Variants in NRXN3 observed in about 807,000 individuals in gnomAD.
The protein encoded by NRXN3 is neurexin 3.
Under a neutral mutation model 137.6 loss-of-function variants are expected in NRXN3, and 32 were observed. The observed-to-expected ratio is 0.23, with a 90% CI of 0.18 to 0.31. NRXN3 has a LOEUF of 0.31. Ranked by LOEUF, NRXN3 falls within the 10% of genes least tolerant of loss-of-function variation. NRXN3 has a pLI of 1.00. For missense variants in NRXN3, 1,574 were observed against 2,062.5 expected (o/e 0.76, Z 4.59); for synonymous variants, 798 against 784.5 (o/e 1.02, Z -0.29).
chr14:78,710,115 T>C (rs187554953), intron 7 of NRXN3, among the ~76,000 whole-genome samples: 17 of 152,348 alleles, frequency 1.1e-4, no homozygotes, highest in Non-Finnish European at 2.9e-5. Context: ...CCTTCAGTAA[T>C]TGGCAAGAGT....
intron 15 of NRXN3, among the ~76,000 whole-genome samples, chr14:79,221,562 G>A (rs1027899978): frequency 6.6e-6 from 1 of 152,152 alleles, no homozygotes; most frequent in East Asian, 1.9e-4. Flanking sequence ...TTTGAGAAGT[G>A]TCTGCTCATA....
intron 15 of NRXN3, among the ~76,000 whole-genome samples, chr14:79,060,144 CT>C (rs1252599661): frequency 6.6e-6 from 1 of 152,188 alleles, no homozygotes; most frequent in African/African-American, 2.4e-5. Flanking sequence ...ACTTTAGTGC[CT>C]CTTGGGATAC....
chr14:79,247,363 G>A (rs2075332180), intron 15 of NRXN3: 1 of 152,082 alleles, frequency 6.6e-6, no homozygotes, highest in African/African-American at 2.4e-5. Context: ...TCAAGAAGAG[G>A]TTAAGTGAAA....
At position 79,157,780 on chromosome 14, in the gene NRXN3, A is replaced by G. The variant is rs562547225; in HGVS notation, c.3262+169639A>G. On this transcript the variant is annotated intron_variant, in intron 15 of 20. Transcript: ENST00000335750. ...TCTAGGTACTTTGTTGGGAAGGATG[A>G]TGGAGAAGAGAGAAGTGAAAATATG... Among the ~76,000 whole-genome samples the G allele has an allele frequency of 3.9e-5, 6 of 151,930 alleles. No individual in the cohort carries two copies. The South Asian group carries it at 1.2e-3, about 32-fold the overall frequency.
chr14:79,304,358 C>T (rs1000861801), intron 15 of NRXN3, among the ~76,000 whole-genome samples: 3 of 151,984 alleles, frequency 2.0e-5, no homozygotes, highest in African/African-American at 7.2e-5. Flanking sequence ...CTCTACATTT[C>T]CACCCATTGC....
intron 4 of NRXN3, among the ~76,000 whole-genome samples, chr14:78,381,887 T>C (rs994701931): frequency 6.6e-6 from 1 of 152,130 alleles, no homozygotes; most frequent in Non-Finnish European, 1.5e-5. Flanking sequence ...ATGACAAAAA[T>C]ATAAAAGAGT....
At chr14:78,568,882 A>G (rs755512590) in intron 4 of NRXN3, among the ~76,000 whole-genome samples, 2 of 151,940 alleles carry the variant, frequency 1.3e-5, no homozygotes, top group Non-Finnish European at 2.9e-5. Flanking sequence ...AGCTTCTACC[A>G]GAAACACTGG....
intron 15 of NRXN3, among the ~76,000 whole-genome samples, chr14:79,152,725 A>T (rs533204628): frequency 6.6e-6 from 1 of 152,130 alleles, no homozygotes; most frequent in African/African-American, 2.4e-5. Flanking sequence ...TCCCACAATT[A>T]AGTTATCTCA....
chr14:79,342,132 G>T (rs535559690), intron 15 of NRXN3, among the ~76,000 whole-genome samples: 1 of 152,254 alleles, frequency 6.6e-6, no homozygotes, highest in Admixed American at 6.5e-5. Flanking sequence ...GAGGGTTGTG[G>T]GTGGGGAGCA....
chr14:79,270,072 C>A (rs2079074083), intron 15 of NRXN3, among the ~76,000 whole-genome samples: 1 of 152,078 alleles, frequency 6.6e-6, no homozygotes, highest in African/African-American at 2.4e-5. Context: ...AAGTAAAAAG[C>A]AAATGGAAAA....
intron 15 of NRXN3, among the ~76,000 whole-genome samples, chr14:79,448,316 A>G (rs1357309831): frequency 6.6e-6 from 1 of 152,080 alleles, no homozygotes; most frequent in African/African-American, 2.4e-5. Flanking sequence ...CCCATTCTAA[A>G]CAGCCCTCCC....
intron 10 of NRXN3, among the ~76,000 whole-genome samples, chr14:78,890,298 G>A (rs2099155329): frequency 6.6e-6 from 1 of 151,914 alleles, no homozygotes; most frequent in Non-Finnish European, 1.5e-5. Flanking sequence ...ACCTCTTATT[G>A]AAAGTGTGAT....
At chr14:79,632,066 G>T (rs1047137031) in intron 16 of NRXN3, among the ~76,000 whole-genome samples, 3 of 152,166 alleles carry the variant, frequency 2.0e-5, no homozygotes, top group Middle Eastern at 3.4e-3. Flanking sequence ...TGGAAGCTTT[G>T]TTCTTTCACT....
intron 16 of NRXN3, among the ~76,000 whole-genome samples, chr14:79,597,690 T>TAG (rs910882936): frequency 1.3e-5 from 2 of 152,198 alleles, no homozygotes; most frequent in African/African-American, 4.8e-5. Context: ...ACTTCATGCT[T>TAG]AGAGGCAACT....
At chr14:78,925,027 C>CA (rs2099282333) in intron 10 of NRXN3, among the ~76,000 whole-genome samples, 1 of 152,158 alleles carries the variant, frequency 6.6e-6, no homozygotes, top group Non-Finnish European at 1.5e-5. Flanking sequence ...CAATGGCAAA[C>CA]AAGAAGACTC....
chr14:78,264,600 G>C (rs541919269), intron 2 of NRXN3, among the ~76,000 whole-genome samples: 34 of 152,228 alleles, frequency 2.2e-4, no homozygotes, highest in African/African-American at 8.2e-4. Context: ...TGGGGGTGAG[G>C]GGGTGGGGAG....
chr14:79,084,525 T>C (rs530767751), intron 15 of NRXN3, among the ~76,000 whole-genome samples: 10 of 152,194 alleles, frequency 6.6e-5, no homozygotes, highest in Non-Finnish European at 1.3e-4. Flanking sequence ...AAAATTGTCA[T>C]CTTTACATTT....
chr14:79,326,710 G>A (rs2090928356), intron 15 of NRXN3, among the ~76,000 whole-genome samples: 1 of 152,130 alleles, frequency 6.6e-6, no homozygotes, highest in African/African-American at 2.4e-5. Flanking sequence ...TGTTTGCTTT[G>A]AGAGAAAGCC....
intron 16 of NRXN3, among the ~76,000 whole-genome samples, chr14:79,524,103 T>C (rs1319124014): frequency 6.6e-6 from 1 of 152,202 alleles, no homozygotes; most frequent in Non-Finnish European, 1.5e-5. Flanking sequence ...GGTCAGGTCT[T>C]ACCTGCATGC....
Sources: gnomAD v4.1 joint callset for allele counts (sites outside exome capture counted in the v4.1 genomes callset) on GRCh38, gnomAD v4.1.1 for gene constraint, MANE v1.5 for transcripts, NCBI Gene and HGNC (gene_info 2026-07-23, HGNC 2026-07-21) for gene names.